DNHD1: variants seen among roughly 807,000 people sequenced by gnomAD.
DNHD1 encodes dynein heavy chain domain-containing protein 1.
In DNHD1, 383 loss-of-function variants were observed where a neutral mutation model predicts 458.1. That is an observed-to-expected ratio of 0.84 (90% CI 0.77 to 0.91). The LOEUF (loss-of-function observed/expected upper bound fraction) is 0.91, where lower values mean the gene tolerates loss of function less well. Ranked by LOEUF, DNHD1 falls within the 40% of genes least tolerant of loss-of-function variation. The pLI is 0.00. For missense variants in DNHD1, 5,336 were observed against 5,866.1 expected (o/e 0.91, Z 2.95); for synonymous variants, 2,203 against 2,376.9 (o/e 0.93, Z 2.13).
Position 6,564,133 on chromosome 11 carries a change from C to T in DNHD1, c.10284+9C>T. ...GGACTACACAGCTCCAGGTAACCAT[C>T]CCCCTCCCAGATGTCTCCCCCAAAG... is the stretch of plus-strand genomic sequence containing the variant. On this transcript the variant is annotated intron_variant, in intron 31 of 42. Transcript: ENST00000254579. 4 of 1,545,842 alleles carry T rather than the reference C, an allele frequency of 2.6e-6. No individual in the cohort carries two copies. The highest frequency in any genetic ancestry group is 3.5e-6 in the Non-Finnish European group (4 of 1,142,908).
chr11:6,542,740 C>T (rs1450448727), intron 18 of DNHD1, among the ~76,000 whole-genome samples: 2 of 152,194 alleles, frequency 1.3e-5, no homozygotes, highest in African/African-American at 4.8e-5. Context: ...CAGGATTGGG[C>T]ACACCTACAA....
In DNHD1 at chr11:6,539,330, A is replaced by G. The variant is rs550605306; in HGVS notation, c.3420+17A>G. 5 of 1,535,136 alleles carry G rather than the reference A, an allele frequency of 3.3e-6. No individual in the cohort carries two copies. In the African/African-American group the frequency reaches 5.5e-5, roughly 17 times the overall value. On this transcript the variant is annotated intron_variant, in intron 17 of 42. Coordinates refer to ENST00000254579, the MANE Select transcript of DNHD1 (RefSeq NM_144666.3). ...ATCAACCAGGTGGGGCCCTCAGTAC[A>G]GGGGCGAGGGAGGTGGTCCAAAGCC...
In DNHD1 at chr11:6,520,827, C is replaced by T. The variant is rs143629083; in HGVS notation, c.1837+538C>T. On this transcript the variant is annotated intron_variant, in intron 10 of 42. Coordinates refer to ENST00000254579, the MANE Select transcript of DNHD1 (RefSeq NM_144666.3). ...CTTCACATTTCCCTTATTTAGGATA[C>T]TAATGCTGTCACAAATAAAATCATT... 92 of 989,190 alleles carry T rather than the reference C, an allele frequency of 9.3e-5. No homozygotes were observed. In the African/African-American group the frequency reaches 1.4e-3, roughly 15 times the overall value. The allele number at this position is 989,190 out of a possible 1,614,324, so 61.3% of individuals were successfully genotyped here.
In DNHD1 at chr11:6,540,041, T is replaced by A. The variant is rs1014019654; in HGVS notation, c.3586T>A (p.Trp1196Arg). Residue 1196 changes from tryptophan (W) to arginine (R), a missense_variant, in exon 18 of 43, where the codon TGG becomes AGG. Coordinates refer to ENST00000254579, the MANE Select transcript of DNHD1 (RefSeq NM_144666.3). The part of the protein sequence containing the change: ...SKRQVLRSPQ[W>R]EVVDKDSGTF... ...GAGGCAGGTGCTCCGCAGCCCCCAA[T>A]GGGAGGTAGTGGACAAAGATAGTGG... 5.8e-6 allele frequency: 9 copies of A among 1,551,564 alleles called. No individual in the cohort carries two copies. Among genetic ancestry groups the A allele is most frequent in the Non-Finnish European group, 7.8e-6 (9 of 1,146,970 alleles).
intron 24 of DNHD1, among the ~76,000 whole-genome samples, chr11:6,550,727 A>C (rs1007258547): frequency 2.0e-5 from 3 of 152,254 alleles, no homozygotes; most frequent in African/African-American, 7.2e-5. Flanking sequence ...TTGATGTGGC[A>C]ATATTAATAC....
At chr11:6,562,427 TAG>T (rs774627170) in intron 28 of DNHD1, among the ~76,000 whole-genome samples, 5 of 151,978 alleles carry the variant, frequency 3.3e-5, no homozygotes, top group Admixed American at 3.3e-4. Flanking sequence ...GGAACCTAGC[TAG>T]AGAGAGAGAT....
chr11:6,546,701 A>G lies in DNHD1; in HGVS notation c.5762A>G (p.Asn1921Ser), dbSNP rs938054244. The G allele has an allele frequency of 4.5e-6, 7 of 1,547,480 alleles. No individual in the cohort carries two copies. The highest frequency in any genetic ancestry group is 4.2e-5 in the African/African-American group (3 of 72,194). ...LLRSPLFSILNGLHLHNLRGL... is the reference protein window; with the variant it reads ...LLRSPLFSILSGLHLHNLRGL... The stretch of plus-strand genomic sequence containing the variant: ...CGCTCACCACTGTTTAGCATTCTCA[A>G]TGGGCTCCACCTGCACAACCTCCGA... Residue 1921 changes from asparagine to serine, a missense_variant, in exon 21 of 43, where the codon AAT becomes AGT. By Grantham distance (46) the Asn-to-Ser change is conservative. This residue lies in a region of DNHD1 where 3,932 missense variants were observed against 4,365.6 expected (regional missense o/e 0.90). Coordinates refer to ENST00000254579, the MANE Select transcript of DNHD1 (RefSeq NM_144666.3).
intron 18 of DNHD1, 101 bp from the exon 19 acceptor site, chr11:6,544,020 C>G: frequency 1.3e-6 from 1 of 798,272 alleles, no homozygotes; most frequent in East Asian, 4.4e-5. Context: ...ATCAGGGTCT[C>G]TGTAACTGCC....
rs1331934096 is a variant in DNHD1 at position 6,568,753 on chromosome 11, G to A, written c.12750G>A (p.Gln4250=). 1.2e-6 allele frequency: 2 copies of A among 1,613,436 alleles called. No individual in the cohort carries two copies. Among genetic ancestry groups the A allele is most frequent in the Non-Finnish European group, 1.7e-6 (2 of 1,179,752 alleles). ...HVLIDSVELA[Q]QVLYMQPPTQ... Reference sequence around the variant, plus strand: ...TGATTGACAGTGTGGAGCTAGCCCAGCAAGTACTCTACATGCAACCCCCCA... The same window carrying A: ...TGATTGACAGTGTGGAGCTAGCCCAACAAGTACTCTACATGCAACCCCCCA... The change falls in exon 39 of 43, where the codon CAG becomes CAA. Residue 4250 remains glutamine (Q), a synonymous_variant. Transcript: ENST00000254579.
At chr11:6,564,865 C>T (rs917203786) in intron 32 of DNHD1, 61 bp downstream of exon 32, 4 of 1,340,908 alleles carry the variant, frequency 3.0e-6, no homozygotes, top group South Asian at 1.5e-5. Flanking sequence ...CACTCAGCCT[C>T]ATGTGGTCTT....
intron 40 of DNHD1, 61 bp downstream of exon 40, chr11:6,570,161 G>A (rs1341339991): frequency 3.7e-6 from 6 of 1,613,426 alleles, no homozygotes; most frequent in Middle Eastern, 1.6e-4. Flanking sequence ...GAAGAGGGTG[G>A]GGGTGGGATA....
At chr11:6,536,056 A>G (rs1852941265) in intron 14 of DNHD1, among the ~76,000 whole-genome samples, 1 of 152,216 alleles carries the variant, frequency 6.6e-6, no homozygotes, top group Admixed American at 6.5e-5. Context: ...GAAGGATACA[A>G]TATCACTTAT....
intron 4 of DNHD1, among the ~76,000 whole-genome samples, chr11:6,506,671 T>A (rs1289589148): frequency 1.3e-5 from 2 of 152,200 alleles, no homozygotes; most frequent in East Asian, 3.8e-4. Flanking sequence ...TTTGAGTCTT[T>A]GCTCAGCTGT....
At chr11:6,508,498 T>C (rs1852270555) in intron 4 of DNHD1, 1 of 174,988 alleles carries the variant, frequency 5.7e-6, no homozygotes. Flanking sequence ...ATCTCTAAAA[T>C]TGTGATGCAT....
intron 7 of DNHD1, among the ~76,000 whole-genome samples, chr11:6,512,457 T>C (rs71490197): frequency 0.23 from 34,232 of 151,548 alleles, 4,173 homozygotes; most frequent in Middle Eastern, 0.32. Context: ...CTCCTGACCT[T>C]GTGATCCGCC....
In DNHD1 at chr11:6,566,673, A is replaced by G. The variant is rs1454102842; in HGVS notation, c.11293A>G (p.Ile3765Val). The G allele has an allele frequency of 1.9e-6, 3 of 1,613,516 alleles. No homozygotes were observed. Among genetic ancestry groups the G allele is most frequent in the East Asian group, 2.2e-5 (1 of 44,880 alleles). Residue 3765 changes from isoleucine to valine, a missense_variant, in exon 35 of 43, where the codon ATC becomes GTC. Physicochemically the swap from Ile to Val is conservative, Grantham distance 29. Coordinates refer to ENST00000254579, the MANE Select transcript of DNHD1 (RefSeq NM_144666.3). ...EILEEQMLHE[I>V]LCREYPELET... ...ACTGGAAGAACAGATGCTGCATGAA[A>G]TCTTGTGCAGAGAGTATCCTGAACT...
intron 18 of DNHD1, among the ~76,000 whole-genome samples, chr11:6,540,928 T>A (rs750235141): frequency 6.6e-6 from 1 of 152,272 alleles, no homozygotes; most frequent in Non-Finnish European, 1.5e-5. Context: ...TACTAACGTT[T>A]TAACCTAATG....
At position 6,557,335 on chromosome 11, in the gene DNHD1, C is replaced by T. The variant is rs1276172451; in HGVS notation, c.8040C>T (p.Phe2680=). 1.3e-6 allele frequency: 2 copies of T among 1,551,550 alleles called. No homozygotes were observed. Among genetic ancestry groups the T allele is most frequent in the East Asian group, 4.9e-5 (2 of 40,922 alleles). Residue 2680 remains phenylalanine (F), a synonymous_variant, in exon 25 of 43, where the codon TTC becomes TTT. Transcript: ENST00000254579. ...KLLLVVAQSV[F]CCGPGPQHLG... ...TCCTAGTAGTAGCTCAAAGTGTCTT[C>T]TGCTGTGGGCCAGGGCCCCAGCACC...
Position 6,548,921 on chromosome 11 carries a change from C to T in DNHD1, c.7375C>T (p.Leu2459=). Residue 2459 remains leucine (L), a synonymous_variant, in exon 24 of 43, where the codon CTA becomes TTA. Transcript: ENST00000254579. The surrounding 1 kb of genome is among the most constrained non-coding windows in gnomAD (Gnocchi z 4.4). ...CCTCTTCTTGCTGGAGGACCTGCACCTAGCCACTTCTGGTGAGGAGCTGCG... is the reference window on the plus strand; with the variant it reads ...CCTCTTCTTGCTGGAGGACCTGCACTTAGCCACTTCTGGTGAGGAGCTGCG... ...SLLFLLEDLH[L]ATSDPEKSCQ... is the part of the protein sequence containing the mutation. 2 of 1,551,668 alleles carry T rather than the reference C, an allele frequency of 1.3e-6. No individual in the cohort carries two copies. The highest frequency in any genetic ancestry group is 1.7e-6 in the Non-Finnish European group (2 of 1,146,968).
Sources: allele counts gnomAD v4.1 joint callset (sites outside exome capture counted in the v4.1 genomes callset), GRCh38; gene constraint gnomAD v4.1.1; regional missense constraint gnomAD v4.1.1; non-coding constraint Gnocchi (gnomAD v3.1); transcripts MANE v1.5; gene names NCBI Gene and HGNC (gene_info 2026-07-23, HGNC 2026-07-21).